Variants in DGLUCY observed in about 807,000 individuals in gnomAD.
DGLUCY encodes D-glutamate cyclase, mitochondrial.
In DGLUCY, 58 loss-of-function variants were observed where a neutral mutation model predicts 58.5. That is an observed-to-expected ratio of 0.99 (90% CI 0.80 to 1.23). The LOEUF is 1.23. Among genes scored for constraint, DGLUCY ranks in the 50% most tolerant of loss-of-function variants. The pLI, the probability that DGLUCY is intolerant of heterozygous loss-of-function variation, is 0.00. For missense variants in DGLUCY, 779 were observed against 784.7 expected, an observed-to-expected ratio of 0.99 and a Z score of 0.09; for synonymous variants, 325 against 314.1, an observed-to-expected ratio of 1.03 and a Z score of -0.37.
intron 1 of DGLUCY, among the ~76,000 whole-genome samples, chr14:91,084,207 T>C (rs1310608805): frequency 2.7e-5 from 4 of 148,900 alleles, no homozygotes; most frequent in East Asian, 3.9e-4. Context: ...TGTCTCTCTT[T>C]TTTTTTTTTT....
intron 7 of DGLUCY, among the ~76,000 whole-genome samples, chr14:91,179,391 A>G (rs2049032249): frequency 6.6e-6 from 1 of 151,826 alleles, no homozygotes; most frequent in East Asian, 1.9e-4. Flanking sequence ...TTGAGGCCGC[A>G]GTGAGCTGTG....
At chr14:91,130,696 A>G (rs2045978400) in intron 1 of DGLUCY, among the ~76,000 whole-genome samples, 3 of 151,388 alleles carry the variant, frequency 2.0e-5, no homozygotes, top group African/African-American at 4.9e-5. Context: ...CACAGCTCAC[A>G]CAGCCTCAAC....
intron 4 of DGLUCY, among the ~76,000 whole-genome samples, chr14:91,168,346 T>C (rs1164636575): frequency 2.0e-5 from 3 of 151,910 alleles, no homozygotes; most frequent in Non-Finnish European, 4.4e-5. Context: ...AAGCCCATGG[T>C]GACCTGGCCC....
At position 91,199,930 on chromosome 14, in the gene DGLUCY, A is replaced by C. The variant is rs747260737; in HGVS notation, c.1444+25A>C. ...GGTAAGTATGGAGTACTGGGGATGCACCAAGAACGTGGCCCCATGAAGTGT... is the reference window on the plus strand; with the variant it reads ...GGTAAGTATGGAGTACTGGGGATGCCCCAAGAACGTGGCCCCATGAAGTGT... On this transcript the variant is annotated intron_variant, in intron 11 of 13. Coordinates refer to ENST00000256324, the MANE Select transcript of DGLUCY (RefSeq NM_001102368.3). 1.2e-5 allele frequency: 19 copies of C among 1,613,432 alleles called. No individual in the cohort carries two copies. In the South Asian group the frequency reaches 2.1e-4, roughly 18 times the overall value.
intron 1 of DGLUCY, among the ~76,000 whole-genome samples, chr14:91,133,294 T>TCAACAACAA (rs748258195): frequency 6.6e-6 from 1 of 151,842 alleles, no homozygotes; most frequent in Non-Finnish European, 1.5e-5. Context: ...AGACTCCGTC[T>TCAACAACAA]CAACAACAAC....
chr14:91,068,104 CACACACA>C (rs2043856796), intron 1 of DGLUCY, among the ~76,000 whole-genome samples: 1 of 152,004 alleles, frequency 6.6e-6, no homozygotes, highest in African/African-American at 2.4e-5. Flanking sequence ...CACACACACA[CACACACA>C]CACACCCCTT....
chr14:91,161,059 C>A (rs2140348873), intron 3 of DGLUCY, among the ~76,000 whole-genome samples: 1 of 152,304 alleles, frequency 6.6e-6, no homozygotes, highest in Non-Finnish European at 1.5e-5. Flanking sequence ...TGTTGTATAA[C>A]AAGGCACTCT....
intron 1 of DGLUCY, among the ~76,000 whole-genome samples, chr14:91,149,183 G>GTTGCTGTGAGCCGAGA (rs1227536015): frequency 2.6e-5 from 4 of 151,398 alleles, no homozygotes; most frequent in Non-Finnish European, 5.9e-5. Context: ...TGCGGCGGAG[G>GTTGCTGTGAGCCGAGA]TTGCTGTGAG....
At chr14:91,169,302 A>G (rs752606096) in intron 4 of DGLUCY, among the ~76,000 whole-genome samples, 2 of 151,954 alleles carry the variant, frequency 1.3e-5, no homozygotes, top group African/African-American at 4.8e-5. Context: ...GGCCTCACCC[A>G]CTACTGGCAC....
chr14:91,200,417 A>G (rs1192901138), intron 11 of DGLUCY, among the ~76,000 whole-genome samples: 1 of 152,194 alleles, frequency 6.6e-6, no homozygotes, highest in East Asian at 1.9e-4. Context: ...GAGGGAAAGC[A>G]TATTCTATTT....
At chr14:91,140,196 C>T (rs1417345848) in intron 1 of DGLUCY, among the ~76,000 whole-genome samples, 3 of 152,132 alleles carry the variant, frequency 2.0e-5, no homozygotes, top group Non-Finnish European at 4.4e-5. Context: ...TTCTCCTCTT[C>T]CCTTTCCTCC....
upstream of DGLUCY, among the ~76,000 whole-genome samples, chr14:91,104,323 A>G (rs1170460281): frequency 6.6e-6 from 1 of 151,834 alleles, no homozygotes; most frequent in East Asian, 1.9e-4. Context: ...CGGCCTCCCA[A>G]AGTGCTGGGA....
At position 91,181,385 on chromosome 14, in the gene DGLUCY, C is replaced by A. The variant is rs1402972938; in HGVS notation, c.930C>A (p.Asp310Glu). The change falls in exon 8 of 14, where the codon GAC becomes GAA. Residue 310 changes from aspartate (D) to glutamate (E), a missense_variant. Asp to Glu is a conservative substitution (Grantham distance 45). Transcript: ENST00000256324. ...IRELESMIGI[D>E]PGNRGIGHLL... Reference sequence around the variant, plus strand: ...AACTAGAGTCTATGATCGGCATAGACCCAGGTAAGAAACAACACATTTGCT... The same window carrying A: ...AACTAGAGTCTATGATCGGCATAGAACCAGGTAAGAAACAACACATTTGCT... 2 of 1,612,512 alleles carry A rather than the reference C, an allele frequency of 1.2e-6. No homozygotes were observed. Among genetic ancestry groups the A allele is most frequent in the Non-Finnish European group, 1.7e-6 (2 of 1,179,502 alleles).
At chr14:91,191,145 A>G (rs2049862053) in intron 9 of DGLUCY, among the ~76,000 whole-genome samples, 1 of 152,226 alleles carries the variant, frequency 6.6e-6, no homozygotes, top group South Asian at 2.1e-4. Flanking sequence ...CCTGAGGTGT[A>G]AGTGACACAT....
intron 1 of DGLUCY, among the ~76,000 whole-genome samples, chr14:91,102,787 T>TGTGTGTGTGTGTGTGTGTG (rs1159135941): frequency 8.1e-5 from 3 of 36,974 alleles, no homozygotes; most frequent in Admixed American, 2.7e-4. Context: ...GTGTGTGTGT[T>TGTGTGTGTGTGTGTGTGTG]TGAGACTGAG....
exon 1 of DGLUCY, chr14:91,060,662 T>C (rs866491623): frequency 1.8e-5 from 8 of 448,124 alleles, no homozygotes; most frequent in Non-Finnish European, 2.9e-5. Flanking sequence ...CGCCCCCTGC[T>C]CCACCGCCGC....
chr14:91,198,762 C>T (rs1026068142), intron 10 of DGLUCY, among the ~76,000 whole-genome samples: 6 of 152,250 alleles, frequency 3.9e-5, no homozygotes, highest in East Asian at 3.9e-4. Flanking sequence ...TCATGACAAG[C>T]GCCTCCTGTG....
intron 8 of DGLUCY, among the ~76,000 whole-genome samples, chr14:91,182,054 C>T (rs2049211415): frequency 6.6e-6 from 1 of 151,902 alleles, no homozygotes; most frequent in Non-Finnish European, 1.5e-5. Context: ...AATCTCAATT[C>T]ACTGCAACCT....
chr14:91,208,578 A>C (rs1017659530), intron 12 of DGLUCY, among the ~76,000 whole-genome samples: 1 of 152,106 alleles, frequency 6.6e-6, no homozygotes. Flanking sequence ...GGGAAACCCC[A>C]TCTCTACAAA....
Sources: allele counts gnomAD v4.1 joint callset (sites outside exome capture counted in the v4.1 genomes callset), GRCh38; gene constraint gnomAD v4.1.1; transcripts MANE v1.5; gene names NCBI Gene and HGNC (gene_info 2026-07-23, HGNC 2026-07-21).